The following ERC2 variants were observed in gnomAD, a reference collection of about 807,000 sequenced individuals.
ERC2 encodes the protein ELKS/RAB6-interacting/CAST family member 2.
ERC2 carries 42 observed loss-of-function variants against 114.8 expected under a neutral mutation model. That is an observed-to-expected ratio of 0.37 (90% CI 0.29 to 0.47). ERC2 has a LOEUF of 0.47. Among genes scored for constraint, ERC2 ranks in the 20% least tolerant of loss-of-function variants. The pLI, the probability that ERC2 is intolerant of heterozygous loss-of-function variation, is 0.99. For synonymous variants in ERC2, 454 were observed against 425.5 expected (o/e 1.07, Z -0.82); for missense variants, 939 against 1,150.7 (o/e 0.82, Z 2.66).
chr3:55,533,297 GAGA>G lies in ERC2; in HGVS notation c.*40-22024_*40-22022del, dbSNP rs1362186124. Among the ~76,000 whole-genome samples, 10 of 152,328 alleles carry G rather than the reference GAGA, an allele frequency of 6.6e-5. No homozygotes were observed. The East Asian group carries it at 1.9e-3, about 29-fold the overall frequency. ...GCTTGGGTGAGAGACGGGGCAGAGG[GAGA>G]AGAACATGACTAACCATTCTAACCA... On this transcript the variant is annotated intron_variant, in intron 17 of 17. Transcript: ENST00000288221.
At chr3:55,900,741 A>G (rs1219884407) in intron 13 of ERC2, among the ~76,000 whole-genome samples, 2 of 152,184 alleles carry the variant, frequency 1.3e-5, no homozygotes, top group Non-Finnish European at 2.9e-5. Flanking sequence ...TCCACCTGGC[A>G]CAGCCTCTTC....
chr3:56,388,047 T>C (rs887115294), intron 2 of ERC2, among the ~76,000 whole-genome samples: 1 of 152,182 alleles, frequency 6.6e-6, no homozygotes, highest in African/African-American at 2.4e-5. Flanking sequence ...CTTTCCAATA[T>C]CATATTTACA....
intron 2 of ERC2, among the ~76,000 whole-genome samples, chr3:56,360,602 G>A (rs543994392): frequency 6.6e-6 from 1 of 152,252 alleles, no homozygotes; most frequent in South Asian, 2.1e-4. Flanking sequence ...TGTACTGAAG[G>A]ATGAGTAAGT....
intron 8 of ERC2, among the ~76,000 whole-genome samples, chr3:56,013,321 T>A (rs1181001325): frequency 1.3e-5 from 2 of 152,226 alleles, no homozygotes; most frequent in African/African-American, 4.8e-5. Flanking sequence ...TCATGAGTTT[T>A]TATTAATCAT....
chr3:55,709,045 T>C (rs1454106606), intron 15 of ERC2, among the ~76,000 whole-genome samples: 1 of 152,208 alleles, frequency 6.6e-6, no homozygotes. Flanking sequence ...AAATATTTAT[T>C]ATCACTGGTT....
At chr3:55,756,749 G>A (rs1381861612) in intron 14 of ERC2, among the ~76,000 whole-genome samples, 1 of 152,096 alleles carries the variant, frequency 6.6e-6, no homozygotes, top group Non-Finnish European at 1.5e-5. Context: ...ACTCTTTTTA[G>A]AAAGAATAGT....
At chr3:56,351,129 A>G (rs1246322954) in intron 2 of ERC2, among the ~76,000 whole-genome samples, 1 of 152,166 alleles carries the variant, frequency 6.6e-6, no homozygotes. Context: ...TTGTTACAGC[A>G]GCCTAGGTAA....
At chr3:55,622,698 T>G (rs1053768694) in intron 17 of ERC2, among the ~76,000 whole-genome samples, 1 of 151,934 alleles carries the variant, frequency 6.6e-6, no homozygotes, top group Admixed American at 6.6e-5. Flanking sequence ...GTTAAAAATT[T>G]TAAATATTTG....
At chr3:55,933,670 C>A (rs951037116) in intron 13 of ERC2, among the ~76,000 whole-genome samples, 18 of 152,348 alleles carry the variant, frequency 1.2e-4, no homozygotes, top group Admixed American at 1.1e-3. Flanking sequence ...CTCAAACCAA[C>A]TGCAGGCAAA....
intron 2 of ERC2, among the ~76,000 whole-genome samples, chr3:56,354,621 CCTAA>C (rs2058675617): frequency 6.6e-6 from 1 of 152,132 alleles, no homozygotes; most frequent in African/African-American, 2.4e-5. Flanking sequence ...ACATATTTGT[CCTAA>C]CTCTCCAAGA....
intron 17 of ERC2, chr3:55,610,426 T>C (rs1414561159): frequency 6.6e-6 from 1 of 151,642 alleles, no homozygotes; most frequent in African/African-American, 2.4e-5. Context: ...CCATATAAAA[T>C]ATCCCCTGAG....
intron 14 of ERC2, among the ~76,000 whole-genome samples, chr3:55,864,146 TATATATATACAC>T (rs1183495553): frequency 4.3e-4 from 52 of 121,616 alleles, no homozygotes; most frequent in South Asian, 1.2e-3. Flanking sequence ...TATACATATA[TATATATATACAC>T]ATATATATAC....
intron 4 of ERC2, among the ~76,000 whole-genome samples, chr3:56,152,056 CG>C (rs1428416379): frequency 2.0e-5 from 3 of 152,118 alleles, no homozygotes; most frequent in Admixed American, 1.3e-4. Flanking sequence ...AGCAGATAAT[CG>C]TGGGCCTTCC....
chr3:55,793,262 T>G (rs1456197158), intron 14 of ERC2, among the ~76,000 whole-genome samples: 1 of 152,190 alleles, frequency 6.6e-6, no homozygotes, highest in Non-Finnish European at 1.5e-5. Context: ...AAGAATGCTA[T>G]AAACACAAAA....
chr3:55,903,559 C>A (rs1330374629), intron 13 of ERC2, among the ~76,000 whole-genome samples: 1 of 152,092 alleles, frequency 6.6e-6, no homozygotes, highest in African/African-American at 2.4e-5. Flanking sequence ...ATAATAAAAC[C>A]ATGATACCCA....
At chr3:56,359,922 C>T (rs967979155) in intron 2 of ERC2, among the ~76,000 whole-genome samples, 2 of 152,120 alleles carry the variant, frequency 1.3e-5, no homozygotes, top group African/African-American at 2.4e-5. Flanking sequence ...GATTTGCCTC[C>T]ACAATCTAAA....
At chr3:55,854,739 C>T (rs2061718037) in intron 14 of ERC2, among the ~76,000 whole-genome samples, 1 of 152,160 alleles carries the variant, frequency 6.6e-6, no homozygotes. Context: ...CCATACATGT[C>T]ATGTCCTGTT....
intron 17 of ERC2, among the ~76,000 whole-genome samples, chr3:55,579,467 T>G (rs2057150412): frequency 6.6e-6 from 1 of 152,192 alleles, no homozygotes; most frequent in African/African-American, 2.4e-5. Context: ...GATATCAAAA[T>G]CCACATAATA....
At chr3:55,988,192 A>G (rs2070779139) in intron 11 of ERC2, among the ~76,000 whole-genome samples, 1 of 152,206 alleles carries the variant, frequency 6.6e-6, no homozygotes, top group Non-Finnish European at 1.5e-5. Context: ...CTAAGGTTTA[A>G]TTAGACACTA....
Sources: gnomAD v4.1 joint callset for allele counts (sites outside exome capture counted in the v4.1 genomes callset) on GRCh38, gnomAD v4.1.1 for gene constraint, MANE v1.5 for transcripts, NCBI Gene and HGNC (gene_info 2026-07-23, HGNC 2026-07-21) for gene names.